Variants in MAGIX observed in about 807,000 individuals in gnomAD.
MAGIX encodes the protein PDZ domain-containing protein MAGIX.
Under a neutral mutation model 10.0 loss-of-function variants are expected in MAGIX, and 13 were observed. That is an observed-to-expected ratio of 1.30 (90% CI 0.84 to 2.06). The LOEUF (loss-of-function observed/expected upper bound fraction) is 2.06. MAGIX is among the 30% of genes most tolerant of loss of function. The probability of loss-of-function intolerance (pLI) is 0.00; values close to 1 mark genes in which losing one functional copy is unlikely to be tolerated. For missense variants in MAGIX, 235 were observed against 245.2 expected (o/e 0.96, Z 0.28); for synonymous variants, 108 against 106.8 (o/e 1.01, Z -0.07).
chrX:49,165,148 C>T lies in MAGIX; in HGVS notation c.331-42C>T, dbSNP rs781878851. ...CTATCCCTGCCTTTGTTGGGGTGCT[C>T]TCCTTTTGCCTTTCCAACACGACTG... On this transcript the variant is annotated intron_variant, in intron 3 of 4. Transcript: ENST00000616266. The T allele has an allele frequency of 1.3e-5, 16 of 1,199,367 alleles. No homozygotes were observed. The Admixed American group carries it at 1.6e-4, about 12-fold the overall frequency.
intron 2 of MAGIX, chrX:49,164,358 T>C: frequency 2.9e-6 from 1 of 344,431 alleles, no homozygotes; most frequent in Non-Finnish European, 5.1e-6. Context: ...CTATGGAAGG[T>C]TCAGGAGCCA....
chrX:49,164,810 C>T (rs782652439), exon 3 of MAGIX: 5 of 1,207,655 alleles, frequency 4.1e-6, no homozygotes, highest in East Asian at 3.0e-5. Context: ...ATCCTTCTAT[C>T]GGAGGCCTCC....
At chrX:49,163,145 C>T (rs1184429545) in intron 1 of MAGIX, 1 of 281,301 alleles carries the variant, frequency 3.6e-6, no homozygotes, top group Non-Finnish European at 6.2e-6. Context: ...AAGGGCCGCG[C>T]ACCAGAGCAG....
chrX:49,166,483 C>A, exon 5 of MAGIX: 1 of 817,261 alleles, frequency 1.2e-6, no homozygotes, highest in Non-Finnish European at 1.7e-6. Flanking sequence ...TGGCACCTCC[C>A]CAAGAGCTTC....
chrX:49,167,912 C>T (rs1180431919), exon 5 of MAGIX: 1 of 112,081 alleles, frequency 8.9e-6, no homozygotes, highest in Non-Finnish European at 1.9e-5. Context: ...ATGTCCATTT[C>T]GCAGAGGAGG....
chrX:49,164,139 C>G (rs2065349565), intron 2 of MAGIX: 1 of 317,435 alleles, frequency 3.2e-6, no homozygotes. Context: ...TCGGCGAGGG[C>G]TAGATTAGAT....
intron 4 of MAGIX, chrX:49,165,601 C>A: frequency 2.7e-6 from 1 of 373,048 alleles, no homozygotes. Context: ...GGTGGGTTTT[C>A]CAGGTACTGG....
chrX:49,165,560 G>T, intron 4 of MAGIX, 199 bp downstream of exon 5: 1 of 407,295 alleles, frequency 2.5e-6, no homozygotes, highest in Non-Finnish European at 4.2e-6. Flanking sequence ...GGCAGGGAGG[G>T]GTGTCAGTCT....
Position 49,164,701 on chromosome X carries a change from T to A in MAGIX, c.-54-6T>A, listed in dbSNP as rs2065353293. 1.7e-6 allele frequency: 2 copies of A among 1,205,286 alleles called. No homozygotes were observed. Among genetic ancestry groups the A allele is most frequent in the Admixed American group, 2.2e-5 (1 of 45,823 alleles). ...AACAGCCCTCTCCACTGCTTTTATC[T>A]CCCAGCTGTTAGCGTGCTGGACTCT... On this transcript the variant is annotated splice_region_variant and splice_polypyrimidine_tract_variant and intron_variant, in intron 2 of 4. Transcript: ENST00000616266.
intron 2 of MAGIX, 30 bp from the exon 3 acceptor site, chrX:49,164,677 A>G (rs374496898): frequency 1.7e-6 from 2 of 1,174,541 alleles, no homozygotes; most frequent in Non-Finnish European, 1.2e-6. Context: ...ATGTCCCCCA[A>G]CAGCCCTCTC....
chrX:49,164,292 G>T, intron 2 of MAGIX: 1 of 273,905 alleles, frequency 3.7e-6, no homozygotes, highest in Non-Finnish European at 6.4e-6. Context: ...TCCCATGGGG[G>T]CGGGGCTTGA....
chrX:49,164,132 G>T, intron 2 of MAGIX: 1 of 324,810 alleles, frequency 3.1e-6, no homozygotes, highest in Non-Finnish European at 5.1e-6. Flanking sequence ...ATTGCAGTCG[G>T]CGAGGGCTAG....
chrX:49,165,215 A>G (rs782129744), exon 4 of MAGIX: 1 of 1,187,946 alleles, frequency 8.4e-7, no homozygotes, highest in Admixed American at 2.4e-5. Context: ...CTCCACATCA[A>G]CGGAGAGTCA....
intron 4 of MAGIX, 97 bp downstream of exon 5, chrX:49,165,458 G>A (rs2065360370): frequency 1.2e-6 from 1 of 831,534 alleles, no homozygotes; most frequent in Admixed American, 3.8e-5. Context: ...AGGGTTTGGT[G>A]GTCTCTGTGG....
exon 3 of MAGIX, chrX:49,165,078 T>C (rs782556848): frequency 2.5e-4 from 297 of 1,203,890 alleles, no homozygotes; most frequent in Non-Finnish European, 3.3e-4. Context: ...CACAGCGCTG[T>C]GGTCGTTTGG....
chrX:49,164,311 GAA>G, intron 2 of MAGIX: 2 of 282,595 alleles, frequency 7.1e-6, no homozygotes, highest in Admixed American at 5.8e-5. Context: ...GAGATGTCAG[GAA>G]TGGGATGAGG....
chrX:49,164,373 T>A (rs1557097057), intron 2 of MAGIX: 2 of 357,886 alleles, frequency 5.6e-6, no homozygotes. Context: ...GAGCCAAATT[T>A]TGGAGTAGCA....
In MAGIX at chrX:49,165,847, T is replaced by C. The variant is rs1228140838; in HGVS notation, c.503-227T>C. 1.0e-5 allele frequency: 4 copies of C among 388,389 alleles called. No homozygotes were observed. The Admixed American group carries it at 1.4e-4, about 13-fold the overall frequency. The allele number at this position is 388,389 out of a possible 1,213,427, so 32.0% of individuals were successfully genotyped here. A position where few individuals can be genotyped will look rare whatever the true frequency, so the allele number is the denominator to read the frequency against. ...AGCGGGGTTTGATTTCCTTTGGAGA[T>C]TGTGGGAAATGATTTCTGAGGGGCA... On this transcript the variant is annotated intron_variant, in intron 4 of 4. Coordinates refer to ENST00000616266, the Ensembl canonical transcript of MAGIX.
chrX:49,165,917 G>C, intron 4 of MAGIX, 157 bp from the exon 6 acceptor site: 1 of 468,108 alleles, frequency 2.1e-6, no homozygotes. Flanking sequence ...AGGAGGTGTC[G>C]GGGTTGTGAG....
Sources: gnomAD v4.1 joint callset for allele counts on GRCh38, gnomAD v4.1.1 for gene constraint, MANE v1.5 for transcripts, NCBI Gene and HGNC (gene_info 2026-07-23, HGNC 2026-07-21) for gene names.